The following DLG2 variants were observed in gnomAD, a reference collection of about 807,000 sequenced individuals.
The protein encoded by DLG2 is discs large MAGUK scaffold protein 2.
In DLG2, 45 loss-of-function variants were observed where a neutral mutation model predicts 132.5. That is an observed-to-expected ratio of 0.34 (90% CI 0.27 to 0.44). The LOEUF (loss-of-function observed/expected upper bound fraction) is 0.44. Ranked by LOEUF, DLG2 falls within the 20% of genes least tolerant of loss-of-function variation. The pLI is 1.00. For missense variants in DLG2, 1,045 were observed against 1,196.9 expected (o/e 0.87, Z 1.87); for synonymous variants, 424 against 419.6 (o/e 1.01, Z -0.13).
chr11:83,999,006 A>G (rs1355898775), intron 11 of DLG2, among the ~76,000 whole-genome samples: 1 of 152,208 alleles, frequency 6.6e-6, no homozygotes, highest in East Asian at 1.9e-4. Flanking sequence ...GAGTGCTGCC[A>G]GGGATGAGGC....
intron 15 of DLG2, among the ~76,000 whole-genome samples, chr11:83,906,053 GTC>G (rs57799505): frequency 0.1 from 12,831 of 128,478 alleles, 722 homozygotes; most frequent in Non-Finnish European, 0.13. Context: ...CTGTCTGTCT[GTC>G]TCTCTCTCTC....
chr11:84,502,276 T>C (rs1419814169), intron 7 of DLG2, among the ~76,000 whole-genome samples: 5 of 56,828 alleles, frequency 8.8e-5, no homozygotes, highest in East Asian at 6.3e-4. Context: ...CCTTCCTTCC[T>C]TCCTTCTTTC....
At chr11:85,609,787 G>GCGGC (rs1478524259) in intron 2 of DLG2, among the ~76,000 whole-genome samples, 1 of 152,152 alleles carries the variant, frequency 6.6e-6, no homozygotes, top group African/African-American at 2.4e-5. Flanking sequence ...GGACACTGGT[G>GCGGC]CGGCCTTCTC....
chr11:83,625,381 G>T (rs866342626), intron 19 of DLG2, among the ~76,000 whole-genome samples: 1 of 152,154 alleles, frequency 6.6e-6, no homozygotes, highest in Non-Finnish European at 1.5e-5. Flanking sequence ...TCATCCCCAG[G>T]ATACTAACCA....
chr11:85,035,681 C>T (rs1287430698), intron 6 of DLG2, among the ~76,000 whole-genome samples: 2 of 152,108 alleles, frequency 1.3e-5, no homozygotes, highest in African/African-American at 2.4e-5. Context: ...CCAGCCCACC[C>T]AAATACTATC....
intron 3 of DLG2, among the ~76,000 whole-genome samples, chr11:85,295,850 T>A (rs2152780285): frequency 6.6e-6 from 1 of 152,248 alleles, no homozygotes; most frequent in South Asian, 2.1e-4. Context: ...TTGGTTTCCA[T>A]CAGCAAAATC....
chr11:85,536,177 T>C (rs192480407), intron 3 of DLG2, among the ~76,000 whole-genome samples: 1 of 142,176 alleles, frequency 7.0e-6, no homozygotes, highest in Non-Finnish European at 1.5e-5. Flanking sequence ...GATCACACCA[T>C]TGAACTCCAG....
chr11:83,472,772 GTCC>G lies in DLG2; in HGVS notation c.2296_2298del (p.Gly766del). 1 of 1,611,756 alleles carries G rather than the reference GTCC, an allele frequency of 6.2e-7. No individual in the cohort carries two copies. The highest frequency in any genetic ancestry group is 8.5e-7 in the Non-Finnish European group (1 of 1,178,628). On this transcript the variant is annotated inframe_deletion and splice_region_variant, in exon 23 of 28. Coordinates refer to ENST00000376104, the MANE Select transcript of DLG2 (RefSeq NM_001142699.3). ...TCATAGGAAAGAATGAGGTCTTCTT[GTCC>G]TCCTGAGAAGAGAAGGAAAGAAAAC...
intron 8 of DLG2, among the ~76,000 whole-genome samples, chr11:84,175,092 A>G (rs2154274492): frequency 6.6e-6 from 1 of 152,330 alleles, no homozygotes; most frequent in South Asian, 2.1e-4. Context: ...TTTGTTGAAC[A>G]AAATTAGCAA....
chr11:84,068,471 T>G (rs149052718), intron 10 of DLG2, among the ~76,000 whole-genome samples: 1 of 152,330 alleles, frequency 6.6e-6, no homozygotes, highest in African/African-American at 2.4e-5. Context: ...GGATGCCATC[T>G]TTGGCCCAGT....
At chr11:85,508,432 T>C (rs1389258763) in intron 3 of DLG2, among the ~76,000 whole-genome samples, 4 of 152,060 alleles carry the variant, frequency 2.6e-5, no homozygotes, top group Admixed American at 2.6e-4. Context: ...CTCTAATCAA[T>C]GTCACTTTAT....
At chr11:83,686,779 C>T (rs960519954) in intron 18 of DLG2, among the ~76,000 whole-genome samples, 9 of 152,122 alleles carry the variant, frequency 5.9e-5, no homozygotes, top group Non-Finnish European at 1.3e-4. Flanking sequence ...TTCAGCCTAT[C>T]CTGTGTATGA....
intron 2 of DLG2, among the ~76,000 whole-genome samples, chr11:85,610,567 C>T (rs1338446691): frequency 6.6e-6 from 1 of 152,170 alleles, no homozygotes; most frequent in Non-Finnish European, 1.5e-5. Context: ...TTTGGTCAGG[C>T]ACTGGCCCAA....
At chr11:85,392,871 T>A (rs1260790436) in intron 3 of DLG2, among the ~76,000 whole-genome samples, 1 of 152,064 alleles carries the variant, frequency 6.6e-6, no homozygotes, top group East Asian at 1.9e-4. Flanking sequence ...ACCACAAAAA[T>A]TCTAGAAGAT....
At chr11:84,156,693 A>T (rs1330650420) in intron 9 of DLG2, among the ~76,000 whole-genome samples, 2 of 152,260 alleles carry the variant, frequency 1.3e-5, no homozygotes, top group Non-Finnish European at 2.9e-5. Context: ...CTCTGCCAAA[A>T]CAAAATGACT....
At chr11:85,364,215 G>A (rs1039516161) in intron 3 of DLG2, among the ~76,000 whole-genome samples, 1 of 152,042 alleles carries the variant, frequency 6.6e-6, no homozygotes, top group African/African-American at 2.4e-5. Context: ...TTGTTAAGAT[G>A]GTGTAGCAAA....
intron 16 of DLG2, among the ~76,000 whole-genome samples, chr11:83,849,940 C>T (rs74943973): frequency 0.011 from 1,729 of 152,068 alleles, 35 homozygotes; most frequent in African/African-American, 0.04. Flanking sequence ...TGAAGAGGTC[C>T]ATGTAATTGA....
At chr11:84,897,285 T>C (rs1305905936) in intron 6 of DLG2, among the ~76,000 whole-genome samples, 2 of 151,922 alleles carry the variant, frequency 1.3e-5, no homozygotes, top group East Asian at 3.9e-4. Context: ...CATTCATTTT[T>C]ACCACTACAT....
intron 14 of DLG2, among the ~76,000 whole-genome samples, chr11:83,950,776 A>G (rs759011558): frequency 1.3e-5 from 2 of 152,092 alleles, no homozygotes; most frequent in South Asian, 2.1e-4. Context: ...TTCTTTTCCA[A>G]TCTCAGTCAC....
Sources: gnomAD v4.1 joint callset for allele counts (sites outside exome capture counted in the v4.1 genomes callset) on GRCh38, gnomAD v4.1.1 for gene constraint, MANE v1.5 for transcripts, NCBI Gene and HGNC (gene_info 2026-07-23, HGNC 2026-07-21) for gene names.